Variants in PCDHA6 observed in about 807,000 individuals in gnomAD.
The protein encoded by PCDHA6 is protocadherin alpha 6, also known as protocadherin alpha-6.
PCDHA6 carries 55 observed loss-of-function variants against 60.3 expected under a neutral mutation model. The observed-to-expected ratio is 0.91, with a 90% CI of 0.73 to 1.14. PCDHA6 has a LOEUF of 1.14. Among genes scored for constraint, PCDHA6 ranks in the 50% most tolerant of loss-of-function variants. The probability of loss-of-function intolerance (pLI) is 0.00; values close to 1 mark genes in which losing one functional copy is unlikely to be tolerated. For synonymous variants in PCDHA6, 652 were observed against 557.9 expected (o/e 1.17, Z -2.38); for missense variants, 1,327 against 1,256.5 (o/e 1.06, Z -0.85).
intron 1 of PCDHA6, chr5:140,883,287 T>A: frequency 6.2e-7 from 1 of 1,613,984 alleles, no homozygotes; most frequent in Non-Finnish European, 8.5e-7. Context: ...TTGGTGGAAG[T>A]ACTAGATGTA....
At chr5:140,915,290 C>G (rs1583944127) in intron 1 of PCDHA6, among the ~76,000 whole-genome samples, 1 of 152,254 alleles carries the variant, frequency 6.6e-6, no homozygotes, top group African/African-American at 2.4e-5. Flanking sequence ...ACTCTTTCTA[C>G]TTAAGATAAG....
Position 141,000,578 on chromosome 5 carries a change from C to T in PCDHA6, c.2543-9049C>T, listed in dbSNP as rs191579983. On this transcript the variant is annotated intron_variant, in intron 3 of 3. Coordinates refer to ENST00000529310, the MANE Select transcript of PCDHA6 (RefSeq NM_018909.4). ...GAGTAGCTGGGATTACAGGTGCCTG[C>T]CACCATGCCCAGCTAATTTTTGTAT... Among the ~76,000 whole-genome samples the T allele has an allele frequency of 3.1e-3, 460 of 150,716 alleles. 6 individuals carry two copies. Among genetic ancestry groups the T allele is most frequent in the Middle Eastern group, 0.01 (3 of 290 alleles).
intron 1 of PCDHA6, chr5:140,870,490 G>A (rs372818492): frequency 7.8e-5 from 126 of 1,614,116 alleles, no homozygotes; most frequent in Non-Finnish European, 1.1e-4. Context: ...CACCGTGTTC[G>A]TGAAGGAGAA....
intron 1 of PCDHA6, among the ~76,000 whole-genome samples, chr5:140,845,551 C>A (rs1311867646): frequency 6.7e-6 from 1 of 149,234 alleles, no homozygotes. Context: ...TATGGTGATG[C>A]TTTTAGCTAT....
chr5:140,876,154 A>C, intron 1 of PCDHA6: 2 of 1,613,972 alleles, frequency 1.2e-6, no homozygotes, highest in Non-Finnish European at 1.7e-6. Flanking sequence ...GTCTGTCCAG[A>C]TTCAAATAAC....
At chr5:140,876,724 G>C (rs140611870) in intron 1 of PCDHA6, 4 of 1,614,128 alleles carry the variant, frequency 2.5e-6, no homozygotes, top group Non-Finnish European at 2.5e-6. Context: ...CCGCGAGAGC[G>C]TGTCGGCCTA....
chr5:140,868,980 G>A (rs2050777662), intron 1 of PCDHA6: 2 of 1,489,988 alleles, frequency 1.3e-6, no homozygotes, highest in South Asian at 2.8e-5. Flanking sequence ...CCATCATACC[G>A]GATGCCACCG....
Position 141,009,873 on chromosome 5 carries a change from A to C in PCDHA6, c.2789A>C (p.Lys930Thr), listed in dbSNP as rs782413551. The C allele has an allele frequency of 1.2e-6, 2 of 1,613,916 alleles. No homozygotes were observed. The highest frequency in any genetic ancestry group is 2.7e-5 in the African/African-American group (2 of 74,862). The change falls in exon 4 of 4, where the codon AAG (lysine) becomes ACG (threonine). Residue 930 changes from lysine to threonine, a missense_variant. Lys to Thr is a moderately conservative substitution (Grantham distance 78). Transcript: ENST00000529310. ...ACCAAGAAAAAGAAGAAAAAGAAGA[A>C]GGGTAACAAGACCCAGGAGAAAAAA... ...EETKKKKKKK[K>T]GNKTQEKKEK...
At chr5:140,903,609 A>G (rs565435427) in intron 1 of PCDHA6, among the ~76,000 whole-genome samples, 2 of 152,360 alleles carry the variant, frequency 1.3e-5, no homozygotes, top group Admixed American at 6.5e-5. Flanking sequence ...CTTAATACAC[A>G]TGAATGTGCA....
At chr5:140,959,343 C>T (rs1370310453) in intron 1 of PCDHA6, among the ~76,000 whole-genome samples, 1 of 152,052 alleles carries the variant, frequency 6.6e-6, no homozygotes, top group Admixed American at 6.6e-5. Context: ...CTACTGCACT[C>T]CAGCGGGACA....
intron 1 of PCDHA6, among the ~76,000 whole-genome samples, chr5:140,920,557 G>A (rs1554199669): frequency 6.6e-6 from 1 of 152,158 alleles, no homozygotes; most frequent in African/African-American, 2.4e-5. Flanking sequence ...TCGAAGTGTG[G>A]CCCTTAGGCC....
intron 1 of PCDHA6, among the ~76,000 whole-genome samples, chr5:140,873,019 T>C (rs1453965744): frequency 6.6e-6 from 1 of 152,206 alleles, no homozygotes; most frequent in Non-Finnish European, 1.5e-5. Flanking sequence ...TATTTAGTTA[T>C]TCTTACTACA....
At chr5:140,911,607 T>C (rs1309017145) in intron 1 of PCDHA6, among the ~76,000 whole-genome samples, 1 of 152,222 alleles carries the variant, frequency 6.6e-6, no homozygotes, top group African/African-American at 2.4e-5. Context: ...CTTCATTATG[T>C]TCCTTAGTTC....
chr5:140,912,878 T>C (rs2076104558), intron 1 of PCDHA6, among the ~76,000 whole-genome samples: 1 of 152,236 alleles, frequency 6.6e-6, no homozygotes, highest in Non-Finnish European at 1.5e-5. Flanking sequence ...GTTTTTGGTC[T>C]TCATTCTGTT....
At chr5:140,869,275 G>T in intron 1 of PCDHA6, 1 of 1,613,584 alleles carries the variant, frequency 6.2e-7, no homozygotes, top group Non-Finnish European at 8.5e-7. Context: ...GGAGCTGGCG[G>T]AGCTGGTGCA....
chr5:140,905,991 G>C (rs1377300111), intron 1 of PCDHA6, among the ~76,000 whole-genome samples: 1 of 152,156 alleles, frequency 6.6e-6, no homozygotes, highest in Non-Finnish European at 1.5e-5. Flanking sequence ...AAAGATGTAG[G>C]CTGGGAGGCT....
intron 1 of PCDHA6, chr5:140,930,486 G>T (rs1211564539): frequency 6.6e-6 from 1 of 152,320 alleles, no homozygotes; most frequent in Non-Finnish European, 1.5e-5. Flanking sequence ...GCCTCCCAAA[G>T]TGCTGGGATT....
intron 1 of PCDHA6, chr5:140,875,985 G>T: frequency 6.2e-7 from 1 of 1,613,950 alleles, no homozygotes; most frequent in South Asian, 1.1e-5. Context: ...TGACCTATGC[G>T]TTAAGTCTAA....
chr5:140,878,728 C>T (rs1554170509), intron 1 of PCDHA6, among the ~76,000 whole-genome samples: 1 of 152,170 alleles, frequency 6.6e-6, no homozygotes, highest in Non-Finnish European at 1.5e-5. Flanking sequence ...AATTTCCAGC[C>T]TTATATCTAC....
Sources: gnomAD v4.1 joint callset for allele counts (sites outside exome capture counted in the v4.1 genomes callset) on GRCh38, gnomAD v4.1.1 for gene constraint, MANE v1.5 for transcripts, NCBI Gene and HGNC (gene_info 2026-07-23, HGNC 2026-07-21) for gene names.